Variants in C18orf63 observed in about 807,000 individuals in gnomAD.
C18orf63 encodes uncharacterized protein C18orf63.
In C18orf63, 50 loss-of-function variants were observed where a neutral mutation model predicts 75.3. The ratio of observed to expected loss-of-function variants is 0.66; its 90% CI spans 0.53 to 0.84. C18orf63 has a LOEUF of 0.84. C18orf63 is among the 40% of genes least tolerant of loss of function. The pLI is 0.00. For synonymous variants in C18orf63, 232 were observed against 267.6 expected, an observed-to-expected ratio of 0.87 and a Z score of 1.30; for missense variants, 732 against 800.2, an observed-to-expected ratio of 0.91 and a Z score of 1.03.
intron 11 of C18orf63, among the ~76,000 whole-genome samples, chr18:74,347,556 G>A (rs1984594172): frequency 6.6e-6 from 1 of 152,076 alleles, no homozygotes; most frequent in Admixed American, 6.6e-5. Context: ...CTTTGAAGGG[G>A]GTCATGTCTT....
At chr18:74,342,191 C>G in intron 9 of C18orf63, 50 bp from the exon 10 acceptor site, 1 of 1,429,956 alleles carries the variant, frequency 7.0e-7, no homozygotes, top group Non-Finnish European at 9.5e-7. Context: ...GTAACTTAAC[C>G]TAAGTTTAGC....
In C18orf63 at chr18:74,352,679, T is replaced by G. The variant is rs76426134; in HGVS notation, c.979-567T>G. On this transcript the variant is annotated intron_variant, in intron 11 of 13. Coordinates refer to ENST00000579455, the MANE Select transcript of C18orf63 (RefSeq NM_001174123.2). The stretch of plus-strand genomic sequence containing the variant: ...TCTTTCAACAAGGATTTTTAGTAAC[T>G]GTGAAGGATATAAGAGTAAATAAGT... 8.2e-3 allele frequency among the ~76,000 whole-genome samples: 1,255 copies of G among 152,288 alleles called. 20 individuals are homozygous for G. The highest frequency in any genetic ancestry group is 0.028 in the African/African-American group (1,162 of 41,566).
At position 74,319,093 on chromosome 18, in the gene C18orf63, C is replaced by A. The variant is rs373897027; in HGVS notation, c.134+1094C>A. Among the ~76,000 whole-genome samples, 11 of 152,254 alleles carry A rather than the reference C, an allele frequency of 7.2e-5. No individual in the cohort carries two copies. The East Asian group carries it at 9.7e-4, about 13-fold the overall frequency. On this transcript the variant is annotated intron_variant, in intron 2 of 13. Transcript: ENST00000579455. ...CATCAGGGAGCCTGTACCCTTCCTG[C>A]TAAAGTATAATATGATACCTGTTAA...
At chr18:74,352,477 T>G (rs1265935531) in intron 11 of C18orf63, among the ~76,000 whole-genome samples, 1 of 108,498 alleles carries the variant, frequency 9.2e-6, no homozygotes, top group Non-Finnish European at 2.2e-5. Context: ...TGGCTCTTTT[T>G]AATGTATCTG....
chr18:74,354,595 G>T (rs1030327095), intron 13 of C18orf63, 49 bp downstream of exon 13: 2 of 953,862 alleles, frequency 2.1e-6, no homozygotes, highest in South Asian at 1.7e-5. Flanking sequence ...TCTGAATTGG[G>T]ATTGCCAAGT....
In C18orf63 at chr18:74,325,632, C is replaced by T. The variant is rs532079607; in HGVS notation, c.271-2315C>T. On this transcript the variant is annotated intron_variant, in intron 4 of 13. Coordinates refer to ENST00000579455, the MANE Select transcript of C18orf63 (RefSeq NM_001174123.2). ...TAAGAGAGCAGTATTGAAGTCTTTA[C>T]CTGTAATTATGAATTTCTCTGTTTC... Among the ~76,000 whole-genome samples, 8 of 152,288 alleles carry T rather than the reference C, an allele frequency of 5.3e-5. No homozygotes were observed. The South Asian group carries it at 1.7e-3, about 32-fold the overall frequency.
At chr18:74,346,251 C>T (rs1174318036) in intron 11 of C18orf63, among the ~76,000 whole-genome samples, 2 of 152,048 alleles carry the variant, frequency 1.3e-5, no homozygotes, top group African/African-American at 4.8e-5. Flanking sequence ...GGCTTAAATA[C>T]ATTATGACCT....
chr18:74,316,417 A>G (rs1373762648), intron 1 of C18orf63, among the ~76,000 whole-genome samples: 1 of 152,182 alleles, frequency 6.6e-6, no homozygotes, highest in Non-Finnish European at 1.5e-5. Flanking sequence ...GCCTGGGGGC[A>G]GCGGCAAGCC....
At chr18:74,349,251 T>C (rs1174349059) in intron 11 of C18orf63, among the ~76,000 whole-genome samples, 1 of 152,214 alleles carries the variant, frequency 6.6e-6, no homozygotes. Flanking sequence ...CAGTCCCTTA[T>C]GACAAAACAT....
Position 74,353,418 on chromosome 18 carries a change from C to T in C18orf63, c.1151C>T (p.Ala384Val). ...CAGCCAACATCAGGCATTTTCTCAGCTTTGCATCTCCAGCCAGAGTCTGTT... is the reference window on the plus strand; with the variant it reads ...CAGCCAACATCAGGCATTTTCTCAGTTTTGCATCTCCAGCCAGAGTCTGTT... ...VSQPTSGIFS[A>V]LHLQPESVQG... The change falls in exon 12 of 14, where the codon GCT (alanine) becomes GTT (valine). Residue 384 changes from alanine (A) to valine (V), a missense_variant. Coordinates refer to ENST00000579455, the MANE Select transcript of C18orf63 (RefSeq NM_001174123.2). 6.5e-7 allele frequency: 1 copy of T among 1,536,372 alleles called. No individual in the cohort carries two copies. The highest frequency in any genetic ancestry group is 8.7e-7 in the Non-Finnish European group (1 of 1,146,956).
chr18:74,354,657 A>C, intron 13 of C18orf63, 111 bp downstream of exon 13: 2 of 594,682 alleles, frequency 3.4e-6, no homozygotes, highest in Non-Finnish European at 5.9e-6. Context: ...AATTCTTTGA[A>C]ACCGTAAAAT....
At chr18:74,331,196 G>A (rs1599003465) in intron 7 of C18orf63, among the ~76,000 whole-genome samples, 1 of 152,102 alleles carries the variant, frequency 6.6e-6, no homozygotes, top group Middle Eastern at 3.4e-3. Flanking sequence ...TTGTTAAGAT[G>A]GTATCCGAGA....
rs1017064200 is a variant in C18orf63, at chr18:74,356,960, A to G, written c.*513A>G. The G allele has an allele frequency of 2.0e-5, 3 of 152,118 alleles. No individual in the cohort carries two copies. The highest frequency in any genetic ancestry group is 2.9e-5 in the Non-Finnish European group (2 of 68,018). 9.4% of individuals were successfully genotyped at this position (152,118 alleles called of 1,614,324 possible). On this transcript the variant is annotated 3_prime_UTR_variant, in exon 14 of 14. Coordinates refer to ENST00000579455, the MANE Select transcript of C18orf63 (RefSeq NM_001174123.2). ...TTCAAGACATCATATAATTTTACCC[A>G]TAAACACCAAAGTGTATATATTTCT...
chr18:74,320,640 AT>A (rs1219083048), intron 3 of C18orf63, 49 bp downstream of exon 3: 1 of 1,084,256 alleles, frequency 9.2e-7, no homozygotes, highest in South Asian at 1.5e-5. Flanking sequence ...TGAGAACAAT[AT>A]TGATAAATAA....
chr18:74,347,364 A>T (rs903543208), intron 11 of C18orf63, among the ~76,000 whole-genome samples: 7 of 152,210 alleles, frequency 4.6e-5, no homozygotes, highest in Non-Finnish European at 8.8e-5. Context: ...TCTTCTGAGG[A>T]GCTCTGAGAC....
chr18:74,318,036 C>T (rs1984056107), intron 2 of C18orf63, 37 bp downstream of exon 2: 1 of 1,341,608 alleles, frequency 7.5e-7, no homozygotes, highest in Admixed American at 2.7e-5. Context: ...ACTTTTAAAA[C>T]TTTGAGACCT....
intron 8 of C18orf63, 70 bp downstream of exon 8, chr18:74,338,894 A>G: frequency 2.0e-6 from 1 of 512,448 alleles, no homozygotes. Flanking sequence ...TGCTTTCTTA[A>G]CATTGATATG....
chr18:74,343,550 A>G lies in C18orf63; in HGVS notation c.826A>G (p.Met276Val). 1 of 1,534,352 alleles carries G rather than the reference A, an allele frequency of 6.5e-7. No homozygotes were observed. Among genetic ancestry groups the G allele is most frequent in the Non-Finnish European group, 8.7e-7 (1 of 1,145,778 alleles). Residue 276 changes from methionine (M) to valine (V), a missense_variant, in exon 11 of 14, where the codon ATG becomes GTG. Physicochemically the swap from Met to Val is conservative, Grantham distance 21. Transcript: ENST00000579455. ...TCTCAGTTGCATCAGAAGTCAGCCC[A>G]TGCAGTTCTTTCCAAGGGTAGATTC... Reference protein sequence around the residue: ...YPLSCIRSQPMQFFPRVDSEV... With the variant: ...YPLSCIRSQPVQFFPRVDSEV...
intron 4 of C18orf63, among the ~76,000 whole-genome samples, chr18:74,324,457 A>G (rs952985251): frequency 9.9e-5 from 15 of 151,032 alleles, no homozygotes; most frequent in Admixed American, 6.6e-5. Flanking sequence ...AGGAACTTTT[A>G]TTTATATCAG....
Sources: gnomAD v4.1 joint callset for allele counts (sites outside exome capture counted in the v4.1 genomes callset) on GRCh38, gnomAD v4.1.1 for gene constraint, MANE v1.5 for transcripts, NCBI Gene and HGNC (gene_info 2026-07-23, HGNC 2026-07-21) for gene names.